MAN1A1: variants seen among roughly 807,000 people sequenced by gnomAD.
MAN1A1 encodes the protein mannosidase alpha class 1A member 1, also known as mannosyl-oligosaccharide 1,2-alpha-mannosidase IA.
In MAN1A1, 29 loss-of-function variants were observed where a neutral mutation model predicts 70.8. That is an observed-to-expected ratio of 0.41 (90% confidence interval 0.31 to 0.56). The LOEUF is 0.56. Ranked by LOEUF, MAN1A1 falls within the 20% of genes least tolerant of loss-of-function variation. The pLI, the probability that MAN1A1 is intolerant of heterozygous loss-of-function variation, is 0.29. For missense variants in MAN1A1, 747 were observed against 841.3 expected (o/e 0.89, Z 1.39); for synonymous variants, 349 against 330.1 (o/e 1.06, Z -0.62).
intron 6 of MAN1A1, among the ~76,000 whole-genome samples, chr6:119,245,856 A>C (rs1775155135): frequency 6.6e-6 from 1 of 152,170 alleles, no homozygotes; most frequent in Non-Finnish European, 1.5e-5. Context: ...TCTGAAATTA[A>C]ATAAATTCTA....
intron 11 of MAN1A1, among the ~76,000 whole-genome samples, chr6:119,186,809 G>A (rs1773304667): frequency 6.6e-6 from 1 of 152,164 alleles, no homozygotes; most frequent in Non-Finnish European, 1.5e-5. Flanking sequence ...GTGCGGCCAT[G>A]CCTTCGAAGT....
intron 8 of MAN1A1, 92 bp from the exon 9 acceptor site, chr6:119,193,984 T>C (rs1477561387): frequency 4.4e-6 from 3 of 685,874 alleles, no homozygotes; most frequent in South Asian, 3.5e-5. Context: ...TGCAACCCTA[T>C]GTCAACTGCA....
chr6:119,327,538 C>T (rs1773189727), intron 2 of MAN1A1, among the ~76,000 whole-genome samples: 1 of 151,872 alleles, frequency 6.6e-6, no homozygotes, highest in African/African-American at 2.4e-5. Context: ...TACAGGCATG[C>T]ACCACCATGT....
At chr6:119,221,934 C>T (rs1032326104) in intron 6 of MAN1A1, among the ~76,000 whole-genome samples, 2 of 152,122 alleles carry the variant, frequency 1.3e-5, no homozygotes, top group African/African-American at 2.4e-5. Flanking sequence ...AATATTCTTT[C>T]TCCATATTAA....
At chr6:119,225,294 T>C (rs1774477603) in intron 6 of MAN1A1, among the ~76,000 whole-genome samples, 1 of 152,168 alleles carries the variant, frequency 6.6e-6, no homozygotes, top group African/African-American at 2.4e-5. Context: ...CTCAGCTACT[T>C]GGGAGGTTGA....
At chr6:119,224,960 C>A (rs1170781297) in intron 6 of MAN1A1, among the ~76,000 whole-genome samples, 2 of 151,996 alleles carry the variant, frequency 1.3e-5, no homozygotes, top group Non-Finnish European at 2.9e-5. Flanking sequence ...AATCCCGTCT[C>A]TACTAAAAAT....
At chr6:119,215,931 T>C (rs1202898160) in intron 6 of MAN1A1, among the ~76,000 whole-genome samples, 2 of 152,186 alleles carry the variant, frequency 1.3e-5, no homozygotes, top group African/African-American at 4.8e-5. Context: ...GAAGAACATG[T>C]AGAAGCAGAG....
chr6:119,180,718 T>C (rs995911792), intron 11 of MAN1A1, among the ~76,000 whole-genome samples: 2 of 152,150 alleles, frequency 1.3e-5, no homozygotes, highest in African/African-American at 4.8e-5. Context: ...TTTGCCATGT[T>C]GCCCATGGTT....
At chr6:119,258,811 C>G (rs926167707) in intron 5 of MAN1A1, among the ~76,000 whole-genome samples, 1 of 152,030 alleles carries the variant, frequency 6.6e-6, no homozygotes, top group African/African-American at 2.4e-5. Flanking sequence ...CCTGCCTTTA[C>G]TCAGCATCAC....
intron 5 of MAN1A1, among the ~76,000 whole-genome samples, chr6:119,274,098 C>A (rs1775993057): frequency 6.6e-6 from 1 of 152,152 alleles, no homozygotes; most frequent in African/African-American, 2.4e-5. Flanking sequence ...AGATGCCAGG[C>A]CACTGGATCT....
intron 6 of MAN1A1, chr6:119,211,017 A>G: frequency 2.5e-6 from 1 of 404,224 alleles, no homozygotes; most frequent in Non-Finnish European, 5.0e-6. Flanking sequence ...TTTTTCTAAT[A>G]AGCTTCAAGT....
chr6:119,300,505 C>T (rs1315143740), intron 4 of MAN1A1, among the ~76,000 whole-genome samples: 1 of 152,062 alleles, frequency 6.6e-6, no homozygotes, highest in Non-Finnish European at 1.5e-5. Context: ...CCAACTGCCT[C>T]GACCTCCCAA....
intron 2 of MAN1A1, among the ~76,000 whole-genome samples, chr6:119,313,891 G>C (rs1476471675): frequency 6.6e-6 from 1 of 150,968 alleles, no homozygotes; most frequent in Non-Finnish European, 1.5e-5. Context: ...GAAGTGAATG[G>C]GAAACGTGAC....
chr6:119,231,168 T>C (rs1249554372), intron 6 of MAN1A1, among the ~76,000 whole-genome samples: 3 of 152,140 alleles, frequency 2.0e-5, no homozygotes, highest in Non-Finnish European at 4.4e-5. Flanking sequence ...AGGGAAAAAG[T>C]ATGAAAAGCA....
chr6:119,180,013 G>GC, intron 12 of MAN1A1, 68 bp from the exon 13 acceptor site: 2 of 1,493,844 alleles, frequency 1.3e-6, no homozygotes, highest in South Asian at 2.3e-5. Flanking sequence ...CAAACACACA[G>GC]CAAAAACCAC....
intron 6 of MAN1A1, among the ~76,000 whole-genome samples, chr6:119,233,834 T>C (rs183976604): frequency 1.6e-4 from 24 of 152,304 alleles, no homozygotes; most frequent in South Asian, 8.3e-4. Context: ...TTTTGATGTA[T>C]TGCGGATTAT....
At chr6:119,192,361 T>C (rs1397370282) in intron 9 of MAN1A1, among the ~76,000 whole-genome samples, 1 of 152,182 alleles carries the variant, frequency 6.6e-6, no homozygotes, top group Admixed American at 6.5e-5. Flanking sequence ...GCTTTTGATG[T>C]TAATCATGTG....
At chr6:119,272,505 T>C (rs1775951526) in intron 5 of MAN1A1, among the ~76,000 whole-genome samples, 1 of 152,184 alleles carries the variant, frequency 6.6e-6, no homozygotes, top group Non-Finnish European at 1.5e-5. Flanking sequence ...AGTCACTGAC[T>C]GTGCCAGGTA....
chr6:119,288,268 A>T (rs1282317761), intron 5 of MAN1A1, among the ~76,000 whole-genome samples: 4 of 151,962 alleles, frequency 2.6e-5, no homozygotes, highest in Non-Finnish European at 4.4e-5. Flanking sequence ...CCTGAGCCTC[A>T]GTGATGAAAT....
Sources: gnomAD v4.1 joint callset for allele counts (sites outside exome capture counted in the v4.1 genomes callset) on GRCh38, gnomAD v4.1.1 for gene constraint, MANE v1.5 for transcripts, NCBI Gene and HGNC (gene_info 2026-07-23, HGNC 2026-07-21) for gene names.